The following CTNNA2 variants were observed in gnomAD, a reference collection of about 807,000 sequenced individuals.
The protein encoded by CTNNA2 is catenin alpha-2.
A neutral mutation model predicts 101.0 loss-of-function variants in CTNNA2; 42 were observed. That is an observed-to-expected ratio of 0.42 (90% confidence interval 0.32 to 0.54). The LOEUF (loss-of-function observed/expected upper bound fraction) is 0.54. CTNNA2 is among the 20% of genes least tolerant of loss of function. The pLI, the probability that CTNNA2 is intolerant of heterozygous loss-of-function variation, is 0.14. For synonymous variants in CTNNA2, 450 were observed against 456.4 expected (o/e 0.99, Z 0.18); for missense variants, 871 against 1,223.1 (o/e 0.71, Z 4.29).
At chr2:80,247,393 C>G (rs936622956) in intron 7 of CTNNA2, among the ~76,000 whole-genome samples, 2 of 152,150 alleles carry the variant, frequency 1.3e-5, no homozygotes, top group Non-Finnish European at 2.9e-5. Context: ...ATTAACCTCT[C>G]AGACATCTTA....
intron 2 of CTNNA2, among the ~76,000 whole-genome samples, chr2:79,238,477 G>A (rs574497937): frequency 2.6e-4 from 40 of 152,262 alleles, no homozygotes; most frequent in African/African-American, 7.5e-4. Flanking sequence ...AGAAATGAGC[G>A]CATGCTCTTG....
intron 3 of CTNNA2, among the ~76,000 whole-genome samples, chr2:79,844,877 A>T (rs1680084127): frequency 6.6e-6 from 1 of 151,738 alleles, no homozygotes; most frequent in Admixed American, 6.6e-5. Flanking sequence ...AAACTTAGCC[A>T]GGAGTGTGGG....
At chr2:80,405,071 G>A (rs1276474537) in intron 8 of CTNNA2, among the ~76,000 whole-genome samples, 1 of 152,126 alleles carries the variant, frequency 6.6e-6, no homozygotes, top group Admixed American at 6.5e-5. Context: ...TAGGAACTGG[G>A]CATGTCTCTG....
At chr2:80,277,141 G>A (rs1673969778) in intron 7 of CTNNA2, among the ~76,000 whole-genome samples, 1 of 152,232 alleles carries the variant, frequency 6.6e-6, no homozygotes, top group Non-Finnish European at 1.5e-5. Flanking sequence ...GTATACCTCA[G>A]GAACAACCAA....
At chr2:79,865,196 A>T (rs537014316) in intron 4 of CTNNA2, among the ~76,000 whole-genome samples, 1 of 152,236 alleles carries the variant, frequency 6.6e-6, no homozygotes, top group African/African-American at 2.4e-5. Context: ...GTTGACAAGG[A>T]AAGACACAAT....
chr2:80,498,374 C>G (rs1029099814), intron 9 of CTNNA2, among the ~76,000 whole-genome samples: 1 of 152,214 alleles, frequency 6.6e-6, no homozygotes, highest in Non-Finnish European at 1.5e-5. Flanking sequence ...TATTGTTTCA[C>G]ACTTCTTTTA....
At chr2:79,476,483 G>A (rs530851171) in intron 4 of CTNNA2, among the ~76,000 whole-genome samples, 1 of 152,228 alleles carries the variant, frequency 6.6e-6, no homozygotes, top group East Asian at 1.9e-4. Context: ...CAGTAGCAGT[G>A]ATTTTTTCAG....
chr2:79,546,674 A>G (rs139925210), intron 1 of CTNNA2, among the ~76,000 whole-genome samples: 51 of 152,294 alleles, frequency 3.3e-4, no homozygotes, highest in Admixed American at 8.5e-4. Context: ...GCAGACACAT[A>G]CAACAGTTTA....
chr2:79,295,027 G>A (rs1040846902), intron 2 of CTNNA2, among the ~76,000 whole-genome samples: 3 of 105,364 alleles, frequency 2.8e-5, no homozygotes, highest in South Asian at 4.6e-4. Context: ...TTGTGTATGC[G>A]TGTGTGTATT....
intron 4 of CTNNA2, among the ~76,000 whole-genome samples, chr2:79,433,155 A>G (rs934770333): frequency 6.6e-6 from 1 of 152,202 alleles, no homozygotes; most frequent in Admixed American, 6.6e-5. Flanking sequence ...TGATGTTCTC[A>G]TAGAACTTTA....
intron 3 of CTNNA2, among the ~76,000 whole-genome samples, chr2:79,331,948 A>C (rs773817073): frequency 4.6e-5 from 7 of 152,224 alleles, no homozygotes; most frequent in Non-Finnish European, 1.0e-4. Context: ...ATAATGGAAC[A>C]GCAGATTAGA....
rs216647 is a variant in CTNNA2 at position 80,599,923 on chromosome 2, A to T, written c.2190-4151A>T. Among the ~76,000 whole-genome samples the T allele has an allele frequency of 1.7e-3, 196 of 113,940 alleles. 4 individuals carry two copies. Among genetic ancestry groups the T allele is most frequent in the African/African-American group, 6.7e-3 (192 of 28,818 alleles). 74.7% of individuals were successfully genotyped at this position (113,940 alleles called of 152,430 possible). ...ATATCTCCTAATGCTATCCCTCCCC[A>T]CTCCCCCCACCCCAAGTAGTTCAAA... On this transcript the variant is annotated intron_variant, in intron 15 of 18. Coordinates refer to ENST00000402739, the MANE Select transcript of CTNNA2 (RefSeq NM_001282597.3).
intron 3 of CTNNA2, among the ~76,000 whole-genome samples, chr2:79,814,608 T>TACACACACACACACACACAC (rs146240455): frequency 1.4e-5 from 2 of 145,094 alleles, no homozygotes; most frequent in African/African-American, 5.3e-5. Flanking sequence ...TATGTGTGTA[T>TACACACACACACACACACAC]ACACACACAC....
chr2:79,305,369 T>TATAC (rs1676214282), intron 2 of CTNNA2, among the ~76,000 whole-genome samples: 1 of 141,184 alleles, frequency 7.1e-6, no homozygotes, highest in Non-Finnish European at 1.5e-5. Context: ...TACATATATA[T>TATAC]ACACATATAT....
intron 12 of CTNNA2, among the ~76,000 whole-genome samples, chr2:80,559,878 T>TATATCTATATCTATC: frequency 8.8e-6 from 1 of 114,024 alleles, no homozygotes; most frequent in African/African-American, 3.0e-5. Flanking sequence ...GATATCATAT[T>TATATCTATATCTATC]TATATATATA....
chr2:80,141,335 A>G (rs1702998405), intron 7 of CTNNA2, among the ~76,000 whole-genome samples: 1 of 151,952 alleles, frequency 6.6e-6, no homozygotes. Context: ...GCCCTCTTAT[A>G]TTAGCTATAA....
chr2:79,621,566 G>A (rs147141239), intron 1 of CTNNA2, among the ~76,000 whole-genome samples: 14 of 152,154 alleles, frequency 9.2e-5, no homozygotes, highest in African/African-American at 2.2e-4. Flanking sequence ...AATAAACATC[G>A]TAAGTCCATA....
intron 3 of CTNNA2, among the ~76,000 whole-genome samples, chr2:79,370,884 A>G (rs1267784244): frequency 6.6e-6 from 1 of 152,176 alleles, no homozygotes; most frequent in Non-Finnish European, 1.5e-5. Context: ...CAGCAATCAC[A>G]GCTTCATCTC....
intron 4 of CTNNA2, among the ~76,000 whole-genome samples, chr2:79,427,976 C>A (rs1031397637): frequency 6.6e-6 from 1 of 152,112 alleles, no homozygotes; most frequent in African/African-American, 2.4e-5. Flanking sequence ...CATCATTTGT[C>A]TTAAATTCCA....
Sources: gnomAD v4.1 joint callset for allele counts (sites outside exome capture counted in the v4.1 genomes callset) on GRCh38, gnomAD v4.1.1 for gene constraint, MANE v1.5 for transcripts, NCBI Gene and HGNC (gene_info 2026-07-23, HGNC 2026-07-21) for gene names.